The following SPTLC3 variants were observed in gnomAD, a reference collection of about 807,000 sequenced individuals.
SPTLC3 encodes serine palmitoyltransferase 3.
SPTLC3 carries 36 observed loss-of-function variants against 59.3 expected under a neutral mutation model. That is an observed-to-expected ratio of 0.61 (90% confidence interval 0.47 to 0.80). SPTLC3 has a LOEUF of 0.80. SPTLC3 is among the 30% of genes least tolerant of loss of function. SPTLC3 has a pLI of 0.00. For missense variants in SPTLC3, 625 were observed against 685.1 expected (o/e 0.91, Z 0.98); for synonymous variants, 257 against 240.8 (o/e 1.07, Z -0.62).
At chr20:13,053,890 T>G (rs958464965) in intron 2 of SPTLC3, among the ~76,000 whole-genome samples, 4 of 152,098 alleles carry the variant, frequency 2.6e-5, no homozygotes, top group African/African-American at 9.7e-5. Flanking sequence ...TGGGACTATG[T>G]GAAAAGACCA....
intron 1 of SPTLC3, among the ~76,000 whole-genome samples, chr20:13,041,691 T>G (rs1219716670): frequency 6.6e-6 from 1 of 152,208 alleles, no homozygotes; most frequent in Admixed American, 6.5e-5. Context: ...AAACTGAACA[T>G]TTTAAATAAA....
chr20:13,049,270 C>A, intron 2 of SPTLC3, 140 bp downstream of exon 2: 1 of 938,660 alleles, frequency 1.1e-6, no homozygotes, highest in Non-Finnish European at 1.7e-6. Context: ...TCATCTCCAC[C>A]TCCTAAACCC....
At chr20:13,093,082 C>G (rs901067182) in intron 5 of SPTLC3, among the ~76,000 whole-genome samples, 3 of 152,104 alleles carry the variant, frequency 2.0e-5, no homozygotes, top group African/African-American at 7.2e-5. Context: ...AAGACCCTTG[C>G]CTTTCAGGAA....
chr20:13,039,473 A>G (rs886670574), intron 1 of SPTLC3, among the ~76,000 whole-genome samples: 1 of 151,902 alleles, frequency 6.6e-6, no homozygotes, highest in African/African-American at 2.4e-5. Flanking sequence ...ATCTTTTTCC[A>G]TTCTTTTACT....
intron 1 of SPTLC3, among the ~76,000 whole-genome samples, 153 bp downstream of exon 1, chr20:13,009,537 CT>C (rs1290678132): frequency 2.6e-5 from 4 of 152,164 alleles, no homozygotes; most frequent in African/African-American, 9.7e-5. Context: ...AAGTGCTTGG[CT>C]ACCAAAAAGT....
chr20:13,059,760 G>A (rs1987875880), intron 2 of SPTLC3, among the ~76,000 whole-genome samples: 1 of 152,058 alleles, frequency 6.6e-6, no homozygotes. Context: ...CTCCACCCTT[G>A]GAGCCCTCAA....
Position 13,131,376 on chromosome 20 carries a change from T to C in SPTLC3, c.1279+4659T>C, listed in dbSNP as rs183021923. On this transcript the variant is annotated intron_variant, in intron 9 of 11. Transcript: ENST00000399002. Reference sequence around the variant, plus strand: ...CTGCTCCATGAATGGCAAGTCACTTTCCCTCTCTTGGCCTTAGTTCCTTCA... The same window carrying C: ...CTGCTCCATGAATGGCAAGTCACTTCCCCTCTCTTGGCCTTAGTTCCTTCA... Among the ~76,000 whole-genome samples the C allele has an allele frequency of 3.1e-3, 475 of 152,268 alleles. 13 individuals carry two copies. Among genetic ancestry groups the C allele is most frequent in the Admixed American group, 0.025 (389 of 15,294 alleles).
chr20:13,063,903 G>A (rs142416190), intron 2 of SPTLC3, among the ~76,000 whole-genome samples: 5 of 151,990 alleles, frequency 3.3e-5, no homozygotes, highest in South Asian at 2.1e-4. Context: ...TGATACGCCC[G>A]CCTCGGCCTC....
At position 13,009,732 on chromosome 20, in the gene SPTLC3, T is replaced by C. The variant is rs180911093; in HGVS notation, c.117+348T>C. ...ATATATTTTTGTCCAAGAGACCTGC[T>C]ACAACCGTCATGCTTCAGAAGAAAA... is the stretch of plus-strand genomic sequence containing the variant. On this transcript the variant is annotated intron_variant, in intron 1 of 11. Transcript: ENST00000399002. 3.3e-5 allele frequency among the ~76,000 whole-genome samples: 5 copies of C among 152,336 alleles called. No homozygotes were observed. The East Asian group carries it at 7.7e-4, about 24-fold the overall frequency.
At chr20:13,122,418 G>C (rs1291722799) in intron 8 of SPTLC3, among the ~76,000 whole-genome samples, 1 of 152,116 alleles carries the variant, frequency 6.6e-6, no homozygotes, top group Non-Finnish European at 1.5e-5. Flanking sequence ...GTGGAATTGG[G>C]GTCTGTGTTC....
intron 6 of SPTLC3, among the ~76,000 whole-genome samples, chr20:13,104,637 C>T (rs552685463): frequency 6.6e-6 from 1 of 152,100 alleles, no homozygotes; most frequent in East Asian, 1.9e-4. Flanking sequence ...AAGAAACCTC[C>T]TTAGTGAGTC....
chr20:13,058,408 G>A (rs1467878977), intron 2 of SPTLC3, among the ~76,000 whole-genome samples: 1 of 152,190 alleles, frequency 6.6e-6, no homozygotes, highest in Admixed American at 6.5e-5. Context: ...CTCTAGGAAC[G>A]TAATATACTA....
intron 4 of SPTLC3, among the ~76,000 whole-genome samples, chr20:13,081,069 C>A (rs1316638646): frequency 6.6e-6 from 1 of 152,090 alleles, no homozygotes; most frequent in Non-Finnish European, 1.5e-5. Context: ...GAAACTGAAG[C>A]AAAATTAATA....
At chr20:13,042,208 T>G (rs1283972093) in intron 1 of SPTLC3, among the ~76,000 whole-genome samples, 1 of 152,226 alleles carries the variant, frequency 6.6e-6, no homozygotes, top group Non-Finnish European at 1.5e-5. Flanking sequence ...TACCAGTCTC[T>G]TCTAAAGTGC....
At chr20:13,104,497 G>A (rs1275187409) in intron 6 of SPTLC3, among the ~76,000 whole-genome samples, 1 of 152,140 alleles carries the variant, frequency 6.6e-6, no homozygotes, top group Non-Finnish European at 1.5e-5. Context: ...CAGCCACGTG[G>A]AGCTGTAAGT....
At position 13,110,097 on chromosome 20, in the gene SPTLC3, T is replaced by C. The variant is rs1568606150; in HGVS notation, c.827-15T>C. On this transcript the variant is annotated splice_polypyrimidine_tract_variant and intron_variant, in intron 6 of 11. Transcript: ENST00000399002. ...CCTTTCATGACTCAATTTTTTTTTT[T>C]GGTATTATTTAAAGACACACAAAGC... 6.4e-7 allele frequency: 1 copy of C among 1,574,152 alleles called. No individual in the cohort carries two copies. Among genetic ancestry groups the C allele is most frequent in the Non-Finnish European group, 8.6e-7 (1 of 1,166,194 alleles).
chr20:13,118,429 A>G (rs1990696679), intron 8 of SPTLC3, among the ~76,000 whole-genome samples: 1 of 144,524 alleles, frequency 6.9e-6, no homozygotes, highest in African/African-American at 2.5e-5. Flanking sequence ...TCTAGTGCCA[A>G]TATCACCAAG....
chr20:13,032,979 G>A (rs188844455), intron 1 of SPTLC3, among the ~76,000 whole-genome samples: 66 of 152,284 alleles, frequency 4.3e-4, no homozygotes, highest in African/African-American at 1.5e-3. Flanking sequence ...CACTCTCTTT[G>A]ACTTCTGGGG....
At chr20:13,092,215 T>C (rs1357474723) in intron 5 of SPTLC3, among the ~76,000 whole-genome samples, 2 of 152,152 alleles carry the variant, frequency 1.3e-5, no homozygotes, top group African/African-American at 4.8e-5. Flanking sequence ...AACTAGAATA[T>C]GGAATGGTGG....
Sources: allele counts gnomAD v4.1 joint callset (sites outside exome capture counted in the v4.1 genomes callset), GRCh38; gene constraint gnomAD v4.1.1; transcripts MANE v1.5; gene names NCBI Gene and HGNC (gene_info 2026-07-23, HGNC 2026-07-21).